Variants in RGS6 observed in about 807,000 individuals in gnomAD.
The protein encoded by RGS6 is regulator of G-protein signaling 6.
In RGS6, 30 loss-of-function variants were observed where a neutral mutation model predicts 78.5. The observed-to-expected ratio is 0.38, with a 90% confidence interval of 0.29 to 0.52. The LOEUF is 0.52. Among genes scored for constraint, RGS6 ranks in the 20% least tolerant of loss-of-function variants. The probability of loss-of-function intolerance (pLI) is 0.85; values close to 1 mark genes in which losing one functional copy is unlikely to be tolerated. For synonymous variants in RGS6, 206 were observed against 206.0 expected, an observed-to-expected ratio of 1.00 and a Z score of 0.00; for missense variants, 495 against 609.7, an observed-to-expected ratio of 0.81 and a Z score of 1.98.
At chr14:72,280,890 A>T (rs2061453562) in intron 2 of RGS6, among the ~76,000 whole-genome samples, 1 of 152,202 alleles carries the variant, frequency 6.6e-6, no homozygotes. Context: ...CAGAAAATAG[A>T]AGCCCACAGT....
chr14:72,529,654 C>A (rs115148973), intron 15 of RGS6, among the ~76,000 whole-genome samples: 43 of 152,114 alleles, frequency 2.8e-4, no homozygotes, highest in African/African-American at 8.5e-4. Context: ...CCAGACCCCC[C>A]CCTCCCTGCA....
At chr14:71,871,784 C>A in the RGS6 span, among the ~76,000 whole-genome samples, 2 of 152,146 alleles carry the variant, frequency 1.3e-5, no homozygotes, top group African/African-American at 4.8e-5. Flanking sequence ...TCTTCGTCAT[C>A]TCACTCCTGA....
chr14:71,980,611 G>A (rs1272773728), intron 2 of RGS6, among the ~76,000 whole-genome samples: 4 of 78,196 alleles, frequency 5.1e-5, no homozygotes, highest in Non-Finnish European at 7.7e-5. Context: ...CTGGCTTGTA[G>A]GGTTTCTGCT....
intron 17 of RGS6, among the ~76,000 whole-genome samples, chr14:72,553,024 A>G (rs1186951042): frequency 6.6e-6 from 1 of 152,250 alleles, no homozygotes; most frequent in Non-Finnish European, 1.5e-5. Flanking sequence ...CAACATGCAC[A>G]TGAACGCATG....
At chr14:72,181,119 C>T (rs1444712945) in intron 2 of RGS6, among the ~76,000 whole-genome samples, 1 of 152,150 alleles carries the variant, frequency 6.6e-6, no homozygotes, top group Non-Finnish European at 1.5e-5. Flanking sequence ...TACAGAATTG[C>T]TTTAATTAAA....
the RGS6 span, among the ~76,000 whole-genome samples, chr14:72,587,713 C>G: frequency 2.4e-4 from 37 of 152,248 alleles, no homozygotes; most frequent in African/African-American, 7.9e-4. Flanking sequence ...ATCCCCTGGC[C>G]CAGCCCACAT....
At chr14:72,244,553 T>C (rs1383770119) in intron 2 of RGS6, among the ~76,000 whole-genome samples, 4 of 152,106 alleles carry the variant, frequency 2.6e-5, no homozygotes, top group Non-Finnish European at 4.4e-5. Flanking sequence ...GGACAGTTGT[T>C]CCCCCTACCA....
intron 2 of RGS6, among the ~76,000 whole-genome samples, chr14:72,221,668 A>G (rs370163769): frequency 1.6e-4 from 24 of 152,220 alleles, no homozygotes; most frequent in Non-Finnish European, 2.9e-4. Flanking sequence ...GCCAAACACA[A>G]TCATCAGCAG....
At chr14:72,413,696 G>C (rs1345992615) in intron 3 of RGS6, among the ~76,000 whole-genome samples, 1 of 152,176 alleles carries the variant, frequency 6.6e-6, no homozygotes, top group Non-Finnish European at 1.5e-5. Context: ...TTTTTGCAGT[G>C]GCTGGTACTG....
chr14:72,584,508 C>A, the RGS6 span, among the ~76,000 whole-genome samples: 1 of 152,116 alleles, frequency 6.6e-6, no homozygotes, highest in Non-Finnish European at 1.5e-5. Flanking sequence ...AGCTGAATGA[C>A]AATCTGAATG....
chr14:71,963,862 TTGTG>T (rs1255255765), intron 1 of RGS6, among the ~76,000 whole-genome samples: 3 of 152,222 alleles, frequency 2.0e-5, no homozygotes, highest in African/African-American at 7.2e-5. Flanking sequence ...TTCAGTTAGT[TTGTG>T]TATGTACTTA....
chr14:72,226,888 T>C (rs1016649704), intron 2 of RGS6, among the ~76,000 whole-genome samples: 1 of 152,238 alleles, frequency 6.6e-6, no homozygotes, highest in Non-Finnish European at 1.5e-5. Context: ...CTTTTTGCCA[T>C]GTTATCCAGG....
At chr14:72,341,396 A>G (rs2152679629) in intron 2 of RGS6, among the ~76,000 whole-genome samples, 1 of 152,350 alleles carries the variant, frequency 6.6e-6, no homozygotes, top group South Asian at 2.1e-4. Flanking sequence ...ACTGGGGATT[A>G]CAATTCAACA....
intron 2 of RGS6, among the ~76,000 whole-genome samples, chr14:72,292,584 T>A (rs2063803577): frequency 6.6e-6 from 1 of 152,270 alleles, no homozygotes; most frequent in Non-Finnish European, 1.5e-5. Context: ...GTTTTAACAA[T>A]GCCCTCTACT....
intron 13 of RGS6, among the ~76,000 whole-genome samples, chr14:72,501,911 T>C (rs1390417648): frequency 1.3e-5 from 2 of 152,222 alleles, no homozygotes; most frequent in African/African-American, 2.4e-5. Flanking sequence ...GAGCTGCCCA[T>C]GCACAGCGAG....
chr14:71,874,269 C>T, the RGS6 span, among the ~76,000 whole-genome samples: 1 of 151,912 alleles, frequency 6.6e-6, no homozygotes, highest in African/African-American at 2.4e-5. Context: ...TCTTCCTATC[C>T]ATGAGCATGG....
chr14:72,251,547 A>G lies in RGS6; in HGVS notation c.85-100548A>G, dbSNP rs141072028. ...GCATGCCAAAGCACTTTACTTTGGA[A>G]TATCATTTTTCTGAGCCACAACAGG... On this transcript the variant is annotated intron_variant, in intron 2 of 17. Transcript: ENST00000553525. Among the ~76,000 whole-genome samples the G allele has an allele frequency of 3.5e-3, 529 of 152,316 alleles. 3 individuals carry two copies. The highest frequency in any genetic ancestry group is 0.011 in the African/African-American group (474 of 41,568).
At chr14:72,587,314 G>A in the RGS6 span, among the ~76,000 whole-genome samples, 1 of 152,066 alleles carries the variant, frequency 6.6e-6, no homozygotes, top group African/African-American at 2.4e-5. Flanking sequence ...GGACTGAGTA[G>A]TGTGAGATGG....
chr14:72,145,859 T>TC (rs891296763), intron 2 of RGS6, among the ~76,000 whole-genome samples: 96 of 152,274 alleles, frequency 6.3e-4, no homozygotes, highest in African/African-American at 2.2e-3. Flanking sequence ...TAGAGGAATC[T>TC]CATCTGTCTA....
Sources: allele counts gnomAD v4.1 joint callset (sites outside exome capture counted in the v4.1 genomes callset), GRCh38; gene constraint gnomAD v4.1.1; transcripts MANE v1.5; gene names NCBI Gene and HGNC (gene_info 2026-07-23, HGNC 2026-07-21).